Variants in UBE3B observed in about 807,000 individuals in gnomAD.
UBE3B encodes the protein ubiquitin protein ligase E3B, also known as ubiquitin-protein ligase E3B.
UBE3B carries 80 observed loss-of-function variants against 132.3 expected under a neutral mutation model. The ratio of observed to expected loss-of-function variants is 0.60; its 90% CI spans 0.50 to 0.73. UBE3B has a LOEUF of 0.73. UBE3B is among the 30% of genes least tolerant of loss of function. The pLI, the probability that UBE3B is intolerant of heterozygous loss-of-function variation, is 0.00. For synonymous variants in UBE3B, 487 were observed against 520.4 expected (o/e 0.94, Z 0.87); for missense variants, 1,196 against 1,362.5 (o/e 0.88, Z 1.92).
chr12:109,511,215 C>A lies in UBE3B; in HGVS notation c.1868C>A (p.Pro623His). The change falls in exon 18 of 28, where the codon CCT becomes CAT. Residue 623 changes from proline to histidine, a missense_variant. Coordinates refer to ENST00000342494, the MANE Select transcript of UBE3B (RefSeq NM_130466.4). ...TCTTTCTTCTCAAGGGATCTCAAAC[C>A]TAGCGTGCTCTTCCAAGAACTCGAC... ...EDHWLRKDLK[P>H]SVLFQELDRD... is the part of the protein sequence containing the mutation. 6.2e-7 allele frequency: 1 copy of A among 1,614,096 alleles called. No individual in the cohort carries two copies. Among genetic ancestry groups the A allele is most frequent in the Non-Finnish European group, 8.5e-7 (1 of 1,179,990 alleles).
At chr12:109,495,209 T>C (rs1832811670) in intron 9 of UBE3B, among the ~76,000 whole-genome samples, 1 of 152,326 alleles carries the variant, frequency 6.6e-6, no homozygotes, top group Non-Finnish European at 1.5e-5. Context: ...GTCCCAAAAA[T>C]GGTACTCTTG....
downstream of UBE3B, among the ~76,000 whole-genome samples, chr12:109,539,613 A>C (rs11067150): frequency 0.086 from 13,127 of 152,252 alleles, 1,328 homozygotes; most frequent in African/African-American, 0.24. Context: ...GAAAAGCCCC[A>C]GTCTGTGCCA....
At chr12:109,507,492 C>T in intron 14 of UBE3B, 72 bp from the exon 15 acceptor site, 1 of 1,506,426 alleles carries the variant, frequency 6.6e-7, no homozygotes, top group Non-Finnish European at 9.0e-7. Flanking sequence ...TTTGTTTCCC[C>T]ACTGGATAGG....
At chr12:109,493,427 A>G (rs1319027443) in intron 9 of UBE3B, among the ~76,000 whole-genome samples, 16 of 152,212 alleles carry the variant, frequency 1.1e-4, no homozygotes. Flanking sequence ...TGTAATTCAC[A>G]TATGATTCAC....
downstream of UBE3B, among the ~76,000 whole-genome samples, chr12:109,540,285 A>G (rs932762085): frequency 6.6e-6 from 1 of 152,086 alleles, no homozygotes; most frequent in Admixed American, 6.5e-5. Context: ...TTGGTTCACT[A>G]CAACCTCCGC....
intron 26 of UBE3B, among the ~76,000 whole-genome samples, chr12:109,532,129 T>A (rs985269249): frequency 2.0e-5 from 3 of 152,128 alleles, no homozygotes; most frequent in African/African-American, 4.8e-5. Context: ...CTCCCTCCTT[T>A]CACCCACCTG....
the UBE3B span, among the ~76,000 whole-genome samples, chr12:109,542,758 C>G: frequency 2.0e-5 from 3 of 152,230 alleles, no homozygotes; most frequent in Non-Finnish European, 4.4e-5. Context: ...AACAGATTCT[C>G]CTTCACAGCC....
the UBE3B span, among the ~76,000 whole-genome samples, chr12:109,541,844 CATAT>C: frequency 1.3e-5 from 2 of 152,148 alleles, no homozygotes; most frequent in Non-Finnish European, 2.9e-5. Flanking sequence ...CCTCCATCCC[CATAT>C]AGTCTTCCCT....
intron 9 of UBE3B, chr12:109,492,577 T>C (rs979184939): frequency 4.6e-5 from 7 of 152,074 alleles, no homozygotes; most frequent in African/African-American, 1.7e-4. Flanking sequence ...ACCTTGTCTC[T>C]ACAAAAAATA....
intron 18 of UBE3B, among the ~76,000 whole-genome samples, chr12:109,512,012 A>G (rs996205933): frequency 6.6e-6 from 1 of 152,112 alleles, no homozygotes; most frequent in African/African-American, 2.4e-5. Flanking sequence ...TGGCTTGGGT[A>G]CTTGGGGGGT....
Position 109,534,010 on chromosome 12 carries a change from A to G in UBE3B, c.3015+452A>G, listed in dbSNP as rs1377458219. Reference sequence around the variant, plus strand: ...TGGCCAAAGGAGAAGGAAAGCCTTCAGGGTTACGGAGCTCTGTGTGTCTCA... The same window carrying G: ...TGGCCAAAGGAGAAGGAAAGCCTTCGGGGTTACGGAGCTCTGTGTGTCTCA... On this transcript the variant is annotated intron_variant, in intron 27 of 27. Transcript: ENST00000342494. This position sits in a 1 kb window ranked among gnomAD's most constrained non-coding sequence, Gnocchi z 5.2. 7.7e-7 allele frequency: 1 copy of G among 1,295,380 alleles called. No homozygotes were observed. The highest frequency in any genetic ancestry group is 1.2e-5 in the South Asian group (1 of 81,074). The allele number at this position is 1,295,380 out of a possible 1,614,324, so 80.2% of individuals were successfully genotyped here. A position where few individuals can be genotyped will look rare whatever the true frequency, so the allele number is the denominator to read the frequency against.
Position 109,504,009 on chromosome 12 carries a change from C to T in UBE3B, c.1450+819C>T, listed in dbSNP as rs144815408. Reference sequence around the variant, plus strand: ...AGGTGAAAGAGAGAGCCAAGTTCTTCGTTCTCAAGGGGATTGTATTCTAGT... The same window carrying T: ...AGGTGAAAGAGAGAGCCAAGTTCTTTGTTCTCAAGGGGATTGTATTCTAGT... On this transcript the variant is annotated intron_variant, in intron 14 of 27. Coordinates refer to ENST00000342494, the MANE Select transcript of UBE3B (RefSeq NM_130466.4). Among the ~76,000 whole-genome samples the T allele has an allele frequency of 6.6e-4, 101 of 152,320 alleles. No homozygotes were observed. The East Asian group carries it at 0.015, about 23-fold the overall frequency.
In UBE3B at chr12:109,517,098, C is replaced by T. The variant is rs142507321; in HGVS notation, c.2076+214C>T. On this transcript the variant is annotated intron_variant, in intron 19 of 27. Transcript: ENST00000342494. The stretch of plus-strand genomic sequence containing the variant: ...CTCATTGCTGGAGACCCAGCAGTGT[C>T]TTCCTTTACCCCATGAGAGCTAGAG... Among the ~76,000 whole-genome samples the T allele has an allele frequency of 2.6e-3, 397 of 152,290 alleles. 3 individuals are homozygous for T. The highest frequency in any genetic ancestry group is 4.2e-3 in the Non-Finnish European group (284 of 68,026).
At chr12:109,542,218 C>T in the UBE3B span, among the ~76,000 whole-genome samples, 2 of 152,222 alleles carry the variant, frequency 1.3e-5, no homozygotes. Flanking sequence ...CTGCCTCCTC[C>T]TCACCCATGG....
intron 1 of UBE3B, among the ~76,000 whole-genome samples, chr12:109,480,976 T>C (rs1343705556): frequency 2.0e-5 from 3 of 151,986 alleles, no homozygotes; most frequent in Non-Finnish European, 4.4e-5. Flanking sequence ...TAAACGTTTT[T>C]CCATTATCAT....
chr12:109,521,282 G>C lies in UBE3B; in HGVS notation c.2211G>C (p.Glu737Asp). The stretch of plus-strand genomic sequence containing the variant: ...GTGTTTTTAAGGAGTTCTTGGAAGA[G>C]ATCATCAAGAGAGTTTTTGACCCAG... ...QDGVFKEFLE[E>D]IIKRVFDPAL... The change falls in exon 20 of 28, where the codon GAG becomes GAC. Residue 737 changes from glutamate to aspartate, a missense_variant. Coordinates refer to ENST00000342494, the MANE Select transcript of UBE3B (RefSeq NM_130466.4). The surrounding 1 kb of genome is among the most constrained non-coding windows in gnomAD (Gnocchi z 4.2). The C allele has an allele frequency of 6.2e-7, 1 of 1,614,230 alleles. No individual in the cohort carries two copies. The highest frequency in any genetic ancestry group is 8.5e-7 in the Non-Finnish European group (1 of 1,180,040).
chr12:109,539,758 G>A (rs773175903), downstream of UBE3B, among the ~76,000 whole-genome samples: 8 of 152,058 alleles, frequency 5.3e-5, no homozygotes, highest in Non-Finnish European at 1.2e-4. Context: ...AGGACATCCC[G>A]GGGATCCTCT....
intron 1 of UBE3B, among the ~76,000 whole-genome samples, chr12:109,478,462 G>T (rs1187685403): frequency 6.6e-6 from 1 of 152,104 alleles, no homozygotes. Context: ...TCTTTAAGTC[G>T]TGTTTCCTAT....
At chr12:109,489,343 C>T (rs1296677568) in intron 7 of UBE3B, among the ~76,000 whole-genome samples, 3 of 152,184 alleles carry the variant, frequency 2.0e-5, no homozygotes. Flanking sequence ...GTGGGGAGGC[C>T]TTGCTTGGTC....
Sources: allele counts gnomAD v4.1 joint callset (sites outside exome capture counted in the v4.1 genomes callset), GRCh38; gene constraint gnomAD v4.1.1; non-coding constraint Gnocchi (gnomAD v3.1); transcripts MANE v1.5; gene names NCBI Gene and HGNC (gene_info 2026-07-23, HGNC 2026-07-21).